The following CHRNE variants were observed in gnomAD, a reference collection of about 807,000 sequenced individuals.
The protein encoded by CHRNE is acetylcholine receptor subunit epsilon.
Under a neutral mutation model 56.5 loss-of-function variants are expected in CHRNE, and 58 were observed. The ratio of observed to expected loss-of-function variants is 1.03; its 90% CI spans 0.83 to 1.28. The LOEUF (loss-of-function observed/expected upper bound fraction) is 1.28. Ranked by LOEUF, CHRNE falls within the 50% of genes most tolerant of loss-of-function variation. The pLI is 0.00. For synonymous variants in CHRNE, 385 were observed against 297.9 expected (o/e 1.29, Z -3.01); for missense variants, 793 against 688.9 (o/e 1.15, Z -1.69).
chr17:4,906,527 G>T (rs909221851), upstream of CHRNE, among the ~76,000 whole-genome samples: 4 of 152,132 alleles, frequency 2.6e-5, no homozygotes, highest in African/African-American at 9.7e-5. Flanking sequence ...GAGGGCAGAA[G>T]ATTTGAATAG....
intron 8 of CHRNE, 175 bp from the exon 9 acceptor site, chr17:4,899,757 G>A: frequency 1.3e-6 from 2 of 1,551,184 alleles, no homozygotes; most frequent in Non-Finnish European, 8.7e-7. Context: ...ACCACTTGTG[G>A]CGGCCATGAA....
At chr17:4,900,504 C>T (rs1376041428) in intron 8 of CHRNE, 1 of 1,550,926 alleles carries the variant, frequency 6.4e-7, no homozygotes. Flanking sequence ...CCCCGGAGAA[C>T]CGGTGAGCTC....
chr17:4,900,613 G>A, intron 8 of CHRNE, 180 bp downstream of exon 8: 9 of 1,524,286 alleles, frequency 5.9e-6, no homozygotes, highest in Non-Finnish European at 8.0e-6. Context: ...TCCAGGTGAC[G>A]TCCAGCAGCA....
In CHRNE at chr17:4,898,345, A is replaced by C. The variant is rs1969792170; in HGVS notation, c.*391T>G. 3.3e-6 allele frequency: 1 copy of C among 304,628 alleles called. No individual in the cohort carries two copies. The highest frequency in any genetic ancestry group is 6.4e-6 in the Non-Finnish European group (1 of 155,926). 18.9% of individuals were successfully genotyped at this position (304,628 alleles called of 1,614,324 possible). On this transcript the variant is annotated 3_prime_UTR_variant, in exon 12 of 12. Coordinates refer to ENST00000649488, the MANE Select transcript of CHRNE (RefSeq NM_000080.4). ...CAGGGAAGAAGAGGGTTTCCTGGCTACAGCCTCCCTGTGTGCAAGTCCTGC... is the reference window on the plus strand; with the variant it reads ...CAGGGAAGAAGAGGGTTTCCTGGCTCCAGCCTCCCTGTGTGCAAGTCCTGC...
Position 4,900,588 on chromosome 17 carries a change from G to T in CHRNE, c.917+205C>A. ...CTGAGCCGGACTGTCCCCCAAGAGA[G>T]CTACTCGGGAGACCTCCAGGTGACG... is the stretch of plus-strand genomic sequence containing the variant. On this transcript the variant is annotated intron_variant, in intron 8 of 11. Transcript: ENST00000649488. 5 of 1,545,388 alleles carry T rather than the reference G, an allele frequency of 3.2e-6. No individual in the cohort carries two copies. In the South Asian group the frequency reaches 6.0e-5, roughly 18 times the overall value.
At chr17:4,903,801 C>G (rs1459853200), upstream of CHRNE, among the ~76,000 whole-genome samples, 2 of 152,182 alleles carry the variant, frequency 1.3e-5, no homozygotes, top group African/African-American at 4.8e-5. Flanking sequence ...TAAACACACA[C>G]GTGCACACAT....
chr17:4,904,217 G>T (rs150261110), upstream of CHRNE, among the ~76,000 whole-genome samples: 1 of 151,514 alleles, frequency 6.6e-6, no homozygotes, highest in African/African-American at 2.4e-5. Flanking sequence ...GGGGTGGGGG[G>T]ACAGGATCTC....
chr17:4,901,060 G>A lies in CHRNE; in HGVS notation c.732C>T (p.Val244=), dbSNP rs1201507858. Residue 244 remains valine (V), a synonymous_variant, in exon 7 of 12, where the codon GTC becomes GTT. Coordinates refer to ENST00000649488, the MANE Select transcript of CHRNE (RefSeq NM_000080.4). ...LIIRRKPLFY[V]INIIVPCVLI... Reference sequence around the variant, plus strand: ...GCACACAGGGCACGATGATGTTAATGACGTAGAAGAGCGGCTTCCGGCGGA... The same window carrying A: ...GCACACAGGGCACGATGATGTTAATAACGTAGAAGAGCGGCTTCCGGCGGA... The A allele has an allele frequency of 1.2e-6, 2 of 1,614,068 alleles. No individual in the cohort carries two copies. The highest frequency in any genetic ancestry group is 2.2e-5 in the South Asian group (2 of 91,084).
At position 4,901,403 on chromosome 17, in the gene CHRNE, A is replaced by G. The variant is rs539703473; in HGVS notation, c.601+122T>C. The G allele has an allele frequency of 3.9e-6, 4 of 1,014,552 alleles. No homozygotes were observed. In the African/African-American group the frequency reaches 4.7e-5, roughly 12 times the overall value. 62.8% of individuals were successfully genotyped at this position (1,014,552 alleles called of 1,614,324 possible). On this transcript the variant is annotated intron_variant, in intron 6 of 11. Transcript: ENST00000649488. ...TCGAGAATGATTTCAGGACAGGGGT[A>G]AGCTAAACCCAGTTGTGGAAGTCAT...
At chr17:4,900,579 C>T (rs1454448823) in intron 8 of CHRNE, 11 of 1,548,088 alleles carry the variant, frequency 7.1e-6, no homozygotes, top group Non-Finnish European at 9.6e-6. Context: ...CGGACTGTCC[C>T]CCAAGAGAGC....
Position 4,898,658 on chromosome 17 carries a change from A to C in CHRNE, c.*78T>G. 1 of 1,526,472 alleles carries C rather than the reference A, an allele frequency of 6.6e-7. No individual in the cohort carries two copies. The highest frequency in any genetic ancestry group is 2.4e-5 in the East Asian group (1 of 42,098). The allele number at this position is 1,526,472 out of a possible 1,614,324, so 94.6% of individuals were successfully genotyped here. A position where few individuals can be genotyped will look rare whatever the true frequency, so the allele number is the denominator to read the frequency against. On this transcript the variant is annotated 3_prime_UTR_variant, in exon 12 of 12. Transcript: ENST00000649488. ...TGATCAGCAGGGGGAAGGGATCATA[A>C]TGCCGTGGTGGCGGCAGCCTACTTT... is the stretch of plus-strand genomic sequence containing the variant.
Position 4,900,842 on chromosome 17 carries a change from T to C in CHRNE, c.868A>G (p.Ile290Val). The change falls in exon 8 of 12, where the codon ATT (isoleucine) becomes GTT (valine). Residue 290 changes from isoleucine to valine, a missense_variant. Ile to Val is a conservative substitution (Grantham distance 29). Coordinates refer to ENST00000649488, the MANE Select transcript of CHRNE (RefSeq NM_000080.4). ...GAAGTCTCTGGGATTTTCTGGGCAA[T>C]GAGGAACAAGAAGACGGTCTGGGCG... ...LLAQTVFLFL[I>V]AQKIPETSLS... The C allele has an allele frequency of 6.2e-7, 1 of 1,614,016 alleles. No homozygotes were observed. The highest frequency in any genetic ancestry group is 1.3e-5 in the African/African-American group (1 of 74,984).
In CHRNE at chr17:4,902,585, G is replaced by C; in HGVS notation, c.189+36C>G. On this transcript the variant is annotated intron_variant, in intron 2 of 11. Coordinates refer to ENST00000649488, the MANE Select transcript of CHRNE (RefSeq NM_000080.4). This position sits in a 1 kb window ranked among gnomAD's most constrained non-coding sequence, Gnocchi z 4.0. ...GCTCAGCGGTTGGGGCCAGAAGTGG[G>C]ATTTTTGGCTTAAGATGAGGGTGGG... is the stretch of plus-strand genomic sequence containing the variant. The C allele has an allele frequency of 1.2e-6, 2 of 1,614,162 alleles. No homozygotes were observed. Among genetic ancestry groups the C allele is most frequent in the Non-Finnish European group, 8.5e-7 (1 of 1,180,032 alleles).
rs886053125 is a variant in CHRNE, at chr17:4,899,470, G to C, written c.1030C>G (p.His344Asp). 6 of 1,589,470 alleles carry C rather than the reference G, an allele frequency of 3.8e-6. No homozygotes were observed. The highest frequency in any genetic ancestry group is 4.3e-6 in the Non-Finnish European group (5 of 1,169,638). Residue 344 changes from histidine (H) to aspartate (D), a missense_variant and splice_region_variant, in exon 9 of 12, where the codon CAC becomes GAC. Transcript: ENST00000649488. ...TGCACCGCCCCCTCCGCGCTTACGT[G>C]GCGCAGCCGCGGGGACATGGCGTGG... ...TTHAMSPRLR[H>D]VLLELLPRLL...
chr17:4,899,634 G>C (rs1969888920), intron 8 of CHRNE, 52 bp from the exon 9 acceptor site: 6 of 1,482,248 alleles, frequency 4.0e-6, no homozygotes, highest in Non-Finnish European at 5.5e-6. Flanking sequence ...AGCTACCGAA[G>C]GCGCCGCGCG....
rs1228133214 is a variant in CHRNE, at chr17:4,900,905, C to A, written c.805G>T (p.Gly269Cys). The A allele has an allele frequency of 6.2e-7, 1 of 1,614,034 alleles. No homozygotes were observed. The highest frequency in any genetic ancestry group is 1.7e-5 in the Admixed American group (1 of 60,000). Residue 269 changes from glycine (G) to cysteine (C), a missense_variant and splice_region_variant, in exon 8 of 12, where the codon GGC becomes TGC. Physicochemically the swap from Gly to Cys is radical, Grantham distance 159. Transcript: ENST00000649488. ...LLAYFLPAQAGGQKCTVSINV... is the reference protein window; with the variant it reads ...LLAYFLPAQACGQKCTVSINV... The stretch of plus-strand genomic sequence containing the variant: ...ATGGAGACCGTGCATTTCTGGCCGC[C>A]GGCTGGAGGGAGAGCCAGTGAGAGC...
chr17:4,902,916 T>C lies in CHRNE; in HGVS notation c.46+102A>G. The C allele has an allele frequency of 1.3e-6, 2 of 1,585,538 alleles. No homozygotes were observed. Among genetic ancestry groups the C allele is most frequent in the Non-Finnish European group, 1.7e-6 (2 of 1,154,544 alleles). On this transcript the variant is annotated intron_variant, in intron 1 of 11. Coordinates refer to ENST00000649488, the MANE Select transcript of CHRNE (RefSeq NM_000080.4). This position sits in a 1 kb window ranked among gnomAD's most constrained non-coding sequence, Gnocchi z 4.0. ...AATTATGCTGTGCCTGGGAACGAAA[T>C]ACTGTGTCTAAGTCTCCATCTTGGT...
In CHRNE at chr17:4,902,167, C is replaced by G. The variant is rs759957588; in HGVS notation, c.344+50G>C. ...CCCCCTTCCCCAACCAAGTCCAGCC[C>G]GCACCCCAGGCCGGCTTCCCTCCAG... is the stretch of plus-strand genomic sequence containing the variant. On this transcript the variant is annotated intron_variant, in intron 4 of 11. Transcript: ENST00000649488. The surrounding 1 kb of genome is among the most constrained non-coding windows in gnomAD (Gnocchi z 4.0). 1.5e-5 allele frequency: 24 copies of G among 1,613,618 alleles called. No homozygotes were observed. Among genetic ancestry groups the G allele is most frequent in the Non-Finnish European group, 2.0e-5 (24 of 1,179,566 alleles).
chr17:4,902,992 A>G lies in CHRNE; in HGVS notation c.46+26T>C. On this transcript the variant is annotated intron_variant, in intron 1 of 11. Coordinates refer to ENST00000649488, the MANE Select transcript of CHRNE (RefSeq NM_000080.4). The surrounding 1 kb of genome is among the most constrained non-coding windows in gnomAD (Gnocchi z 4.0). ...TCATGTCAGTATCTGTGTGTGTCCA[A>G]TTGCCCCTCTAGCCCCTGTCCGTAC... 18 of 1,613,692 alleles carry G rather than the reference A, an allele frequency of 1.1e-5. No homozygotes were observed. Among genetic ancestry groups the G allele is most frequent in the Non-Finnish European group, 1.4e-5 (16 of 1,179,868 alleles).
Sources: allele counts gnomAD v4.1 joint callset (sites outside exome capture counted in the v4.1 genomes callset), GRCh38; gene constraint gnomAD v4.1.1; non-coding constraint Gnocchi (gnomAD v3.1); transcripts MANE v1.5; gene names NCBI Gene and HGNC (gene_info 2026-07-23, HGNC 2026-07-21).